Variants in CATSPERE observed in about 807,000 individuals in gnomAD.
The protein encoded by CATSPERE is cation channel sperm-associated auxiliary subunit epsilon.
A neutral mutation model predicts 114.1 loss-of-function variants in CATSPERE; 93 were observed. The observed-to-expected ratio is 0.81, with a 90% CI of 0.69 to 0.97. CATSPERE has a LOEUF of 0.97. CATSPERE is among the 50% of genes least tolerant of loss of function. The probability of loss-of-function intolerance (pLI) is 0.00; values close to 1 mark genes in which losing one functional copy is unlikely to be tolerated. For missense variants in CATSPERE, 1,058 were observed against 1,131.6 expected (o/e 0.93, Z 0.93); for synonymous variants, 341 against 384.1 (o/e 0.89, Z 1.31).
chr1:244,603,166 A>G (rs1669506113), intron 17 of CATSPERE, among the ~76,000 whole-genome samples: 1 of 152,142 alleles, frequency 6.6e-6, no homozygotes, highest in Admixed American at 6.5e-5. Flanking sequence ...TTTCATAGGC[A>G]GGGGCTCCTG....
At chr1:244,592,008 G>A (rs1008660700) in intron 15 of CATSPERE, among the ~76,000 whole-genome samples, 1 of 134,922 alleles carries the variant, frequency 7.4e-6, no homozygotes, top group African/African-American at 2.6e-5. Context: ...TGTAATTTAA[G>A]GAAGACATAC....
chr1:244,487,145 C>G (rs1671216934), intron 5 of CATSPERE, among the ~76,000 whole-genome samples: 2 of 150,132 alleles, frequency 1.3e-5, no homozygotes, highest in Middle Eastern at 3.5e-3. Context: ...GTGGAATACT[C>G]GTGGGCCACA....
At chr1:244,608,658 C>G (rs780047998) in intron 18 of CATSPERE, among the ~76,000 whole-genome samples, 1 of 152,138 alleles carries the variant, frequency 6.6e-6, no homozygotes, top group Non-Finnish European at 1.5e-5. Flanking sequence ...CTCACACAAC[C>G]TGGCCATCTG....
chr1:244,606,559 A>G (rs909918458), intron 18 of CATSPERE, among the ~76,000 whole-genome samples: 3 of 151,058 alleles, frequency 2.0e-5, no homozygotes, highest in Non-Finnish European at 4.4e-5. Flanking sequence ...AAGAGAACTG[A>G]GTTCCACCTG....
intron 17 of CATSPERE, among the ~76,000 whole-genome samples, chr1:244,594,084 G>C (rs1040214794): frequency 6.6e-6 from 1 of 152,182 alleles, no homozygotes; most frequent in African/African-American, 2.4e-5. Context: ...GCTTTGGGAG[G>C]CTGAGGCAGA....
At position 244,461,343 on chromosome 1, in the gene CATSPERE, G is replaced by A. The variant is rs1229444241; in HGVS notation, c.-87G>A. On this transcript the variant is annotated 5_prime_UTR_variant, in exon 1 of 22. Transcript: ENST00000366534. ...AGGCGCCGGGACCCAGGCGCCTGCA[G>A]CCGCCCGCCGGGCCGACGTCCCACG... 1 of 1,205,842 alleles carries A rather than the reference G, an allele frequency of 8.3e-7. No individual in the cohort carries two copies. The highest frequency in any genetic ancestry group is 1.1e-6 in the Non-Finnish European group (1 of 943,970). 74.7% of individuals were successfully genotyped at this position (1,205,842 alleles called of 1,614,324 possible).
intron 7 of CATSPERE, among the ~76,000 whole-genome samples, chr1:244,506,956 C>A (rs1427885366): frequency 6.6e-6 from 1 of 152,120 alleles, no homozygotes; most frequent in Non-Finnish European, 1.5e-5. Flanking sequence ...CAACTCTCTG[C>A]CTCCATGAAA....
intron 6 of CATSPERE, among the ~76,000 whole-genome samples, chr1:244,494,611 A>G (rs1403254674): frequency 2.0e-5 from 3 of 152,092 alleles, no homozygotes; most frequent in Non-Finnish European, 4.4e-5. Flanking sequence ...ATAAAAAAAA[A>G]AAGTATGAAG....
chr1:244,629,738 C>T (rs1234963460), intron 20 of CATSPERE, among the ~76,000 whole-genome samples: 1 of 152,070 alleles, frequency 6.6e-6, no homozygotes, highest in Non-Finnish European at 1.5e-5. Flanking sequence ...CTCCCAAGCT[C>T]AAGCAATTCT....
At position 244,584,973 on chromosome 1, in the gene CATSPERE, G is replaced by C. The variant is rs538473076; in HGVS notation, c.2085+1034G>C. Among the ~76,000 whole-genome samples the C allele has an allele frequency of 5.3e-5, 8 of 152,282 alleles. 1 individual carries two copies. In the South Asian group the frequency reaches 1.7e-3, roughly 32 times the overall value. ...CCTAGGAAGGTCCTGGCCTAGCCTA[G>C]GTCTGCAGTTTCTGTCTTTAACTGC... On this transcript the variant is annotated intron_variant, in intron 13 of 21. Coordinates refer to ENST00000366534, the MANE Select transcript of CATSPERE (RefSeq NM_001130957.2).
intron 5 of CATSPERE, among the ~76,000 whole-genome samples, chr1:244,489,491 A>C (rs1364214362): frequency 1.7e-5 from 2 of 114,912 alleles, no homozygotes; most frequent in African/African-American, 7.1e-5. Context: ...TGGTGGAAAG[A>C]AAGAGGTTTA....
intron 21 of CATSPERE, among the ~76,000 whole-genome samples, chr1:244,637,823 A>T (rs1674823389): frequency 6.6e-6 from 1 of 152,208 alleles, no homozygotes; most frequent in Admixed American, 6.5e-5. Context: ...AATCATCATC[A>T]GATGAGCTTG....
At chr1:244,555,382 CA>C (rs760097677) in intron 9 of CATSPERE, among the ~76,000 whole-genome samples, 9,870 of 84,436 alleles carry the variant, frequency 0.12, 1,003 homozygotes, top group African/African-American at 0.35. Context: ...GACTCCATCC[CA>C]AAAAAAAAAA....
At chr1:244,528,129 G>T (rs568832995) in intron 8 of CATSPERE, among the ~76,000 whole-genome samples, 3 of 152,060 alleles carry the variant, frequency 2.0e-5, no homozygotes, top group South Asian at 2.1e-4. Flanking sequence ...CAACCAGCAG[G>T]TTCCCTGCAT....
At chr1:244,492,671 G>A (rs1175051173) in intron 6 of CATSPERE, among the ~76,000 whole-genome samples, 2 of 149,246 alleles carry the variant, frequency 1.3e-5, no homozygotes, top group African/African-American at 5.0e-5. Context: ...GTTTGCAGAC[G>A]ACATGATTGT....
chr1:244,479,802 G>T lies in CATSPERE; in HGVS notation c.326+18G>T. 1 of 1,383,232 alleles carries T rather than the reference G, an allele frequency of 7.2e-7. No homozygotes were observed. 85.7% of individuals were successfully genotyped at this position (1,383,232 alleles called of 1,614,324 possible). A position where few individuals can be genotyped will look rare whatever the true frequency, so the allele number is the denominator to read the frequency against. ...AGAGTTAGGTAAGTAATGCAGTACT[G>T]AATAGGTAATTATGCTTTTAAAGAG... On this transcript the variant is annotated intron_variant, in intron 5 of 21. Coordinates refer to ENST00000366534, the MANE Select transcript of CATSPERE (RefSeq NM_001130957.2).
At chr1:244,491,379 A>T (rs1266313471) in intron 6 of CATSPERE, among the ~76,000 whole-genome samples, 3 of 152,104 alleles carry the variant, frequency 2.0e-5, no homozygotes, top group Admixed American at 6.6e-5. Flanking sequence ...AGAAATAAAG[A>T]TGTTCTTTGA....
intron 8 of CATSPERE, 37 bp from the exon 9 acceptor site, chr1:244,552,285 G>A (rs1290635298): frequency 6.4e-7 from 1 of 1,558,140 alleles, no homozygotes; most frequent in South Asian, 1.3e-5. Flanking sequence ...TCAGATGAGA[G>A]AGAGATCATT....
chr1:244,566,678 T>A (rs1225395990), intron 10 of CATSPERE, among the ~76,000 whole-genome samples: 4 of 123,078 alleles, frequency 3.2e-5, no homozygotes, highest in African/African-American at 1.2e-4. Flanking sequence ...TTTTTTTTTT[T>A]TTTTTTTTTG....
Sources: allele counts gnomAD v4.1 joint callset (sites outside exome capture counted in the v4.1 genomes callset), GRCh38; gene constraint gnomAD v4.1.1; transcripts MANE v1.5; gene names NCBI Gene and HGNC (gene_info 2026-07-23, HGNC 2026-07-21).